Variants in ARHGAP17 observed in about 807,000 individuals in gnomAD.
ARHGAP17 encodes the protein rho GTPase-activating protein 17.
In ARHGAP17, 57 loss-of-function variants were observed where a neutral mutation model predicts 99.5. The ratio of observed to expected loss-of-function variants is 0.57; its 90% CI spans 0.46 to 0.71. The LOEUF (loss-of-function observed/expected upper bound fraction) is 0.71. Ranked by LOEUF, ARHGAP17 falls within the 30% of genes least tolerant of loss-of-function variation. ARHGAP17 has a pLI of 0.00. For synonymous variants in ARHGAP17, 417 were observed against 429.6 expected (o/e 0.97, Z 0.36); for missense variants, 1,000 against 1,122.4 (o/e 0.89, Z 1.56).
intron 1 of ARHGAP17, among the ~76,000 whole-genome samples, chr16:24,997,464 T>C (rs72772322): frequency 0.054 from 8,212 of 152,360 alleles, 334 homozygotes; most frequent in Non-Finnish European, 0.077. Context: ...GCGCATTCTC[T>C]ATCATTATCA....
At chr16:24,935,254 TCACGCC>T (rs1463759878) in intron 18 of ARHGAP17, among the ~76,000 whole-genome samples, 1 of 152,216 alleles carries the variant, frequency 6.6e-6, no homozygotes, top group African/African-American at 2.4e-5. Context: ...TTAAGCTTTG[TCACGCC>T]TAAGGAAAAA....
chr16:24,986,096 G>A (rs150847924), intron 1 of ARHGAP17, among the ~76,000 whole-genome samples: 17 of 152,220 alleles, frequency 1.1e-4, no homozygotes, highest in South Asian at 4.2e-4. Context: ...CATCACAAAC[G>A]GTTCCTCCAA....
At chr16:24,934,739 G>A (rs1388282838) in intron 18 of ARHGAP17, among the ~76,000 whole-genome samples, 1 of 152,212 alleles carries the variant, frequency 6.6e-6, no homozygotes, top group East Asian at 1.9e-4. Context: ...TTATAGGTGT[G>A]AGCCACCACG....
intron 3 of ARHGAP17, among the ~76,000 whole-genome samples, chr16:24,971,408 C>T: frequency 6.6e-6 from 1 of 150,546 alleles, no homozygotes; most frequent in East Asian, 2.0e-4. Flanking sequence ...CGGCTCACTG[C>T]AACCGCCGCC....
chr16:25,015,078 C>T, intron 1 of ARHGAP17, 131 bp downstream of exon 1: 3 of 931,968 alleles, frequency 3.2e-6, no homozygotes, highest in Non-Finnish European at 4.0e-6. Flanking sequence ...GGGCCCGTGC[C>T]CCGCTGGTCT....
chr16:25,008,367 CAAT>C (rs1010974314), intron 1 of ARHGAP17, among the ~76,000 whole-genome samples: 1 of 152,158 alleles, frequency 6.6e-6, no homozygotes, highest in African/African-American at 2.4e-5. Context: ...TACATAACAA[CAAT>C]ATATGCATAT....
chr16:24,989,693 G>A (rs538057521), intron 1 of ARHGAP17, among the ~76,000 whole-genome samples: 79 of 151,438 alleles, frequency 5.2e-4, no homozygotes, highest in Non-Finnish European at 1.0e-3. Context: ...ACACAACTCT[G>A]TAAATTTACT....
At chr16:24,949,582 A>G in intron 12 of ARHGAP17, 98 bp from the exon 13 acceptor site, 2 of 1,023,982 alleles carry the variant, frequency 2.0e-6, no homozygotes, top group South Asian at 3.0e-5. Flanking sequence ...TGACAGAGAA[A>G]GCACAGTTGG....
At chr16:24,925,370 C>A (rs2050813265) in intron 19 of ARHGAP17, among the ~76,000 whole-genome samples, 1 of 152,192 alleles carries the variant, frequency 6.6e-6, no homozygotes, top group Admixed American at 6.5e-5. Flanking sequence ...CAGAGCAAGA[C>A]TCTGTCTCAA....
intron 1 of ARHGAP17, among the ~76,000 whole-genome samples, chr16:25,009,625 G>A (rs2053593138): frequency 6.6e-6 from 1 of 152,106 alleles, no homozygotes; most frequent in Non-Finnish European, 1.5e-5. Flanking sequence ...GCTGGTAGTG[G>A]ATCCAACTAC....
Position 24,968,775 on chromosome 16 carries a change from T to C in ARHGAP17, c.273-3A>G, listed in dbSNP as rs1389008570. ...CTCCACACGTCTCCAGCATCTTCCT[T>C]TAAAAACAAGACCCCCAACAACGAG... On this transcript the variant is annotated splice_polypyrimidine_tract_variant and splice_region_variant and intron_variant, in intron 4 of 19. Transcript: ENST00000289968. 6.2e-7 allele frequency: 1 copy of C among 1,614,106 alleles called. No individual in the cohort carries two copies. Among genetic ancestry groups the C allele is most frequent in the Non-Finnish European group, 8.5e-7 (1 of 1,179,984 alleles).
chr16:24,942,721 T>A (rs2051351418), intron 15 of ARHGAP17, among the ~76,000 whole-genome samples: 1 of 146,350 alleles, frequency 6.8e-6, no homozygotes, highest in Non-Finnish European at 1.5e-5. Flanking sequence ...TGGGCCGAGA[T>A]CGCGCCACTG....
At chr16:24,942,365 A>G (rs537222260) in intron 15 of ARHGAP17, among the ~76,000 whole-genome samples, 84 of 152,324 alleles carry the variant, frequency 5.5e-4, no homozygotes, top group African/African-American at 1.9e-3. Context: ...GTCAGAATAT[A>G]AGTTACACAC....
At chr16:24,982,311 C>A (rs1456384663) in intron 1 of ARHGAP17, among the ~76,000 whole-genome samples, 1 of 151,338 alleles carries the variant, frequency 6.6e-6, no homozygotes. Flanking sequence ...GGTTGAGGCA[C>A]GAGAATTGCT....
At chr16:24,993,670 G>A (rs1387699071) in intron 1 of ARHGAP17, among the ~76,000 whole-genome samples, 1 of 151,906 alleles carries the variant, frequency 6.6e-6, no homozygotes, top group Non-Finnish European at 1.5e-5. Flanking sequence ...TGGGTGTGCA[G>A]GCAGACACCC....
At chr16:24,937,716 A>G (rs2051181018) in intron 17 of ARHGAP17, among the ~76,000 whole-genome samples, 1 of 152,212 alleles carries the variant, frequency 6.6e-6, no homozygotes, top group Non-Finnish European at 1.5e-5. Context: ...ATGGTGAAAC[A>G]AGATTCCTAT....
chr16:24,922,435 T>C (rs1308256240), intron 19 of ARHGAP17, among the ~76,000 whole-genome samples: 1 of 152,134 alleles, frequency 6.6e-6, no homozygotes, highest in African/African-American at 2.4e-5. Context: ...AATTTTTCTA[T>C]TTATGATCCA....
intron 7 of ARHGAP17, 30 bp downstream of exon 7, chr16:24,964,165 GAA>G (rs1567234645): frequency 6.9e-7 from 1 of 1,452,222 alleles, no homozygotes. Context: ...TGCAAAAACC[GAA>G]AAGATACATT....
At chr16:24,968,553 C>G in intron 5 of ARHGAP17, 108 bp downstream of exon 5, 1 of 1,504,720 alleles carries the variant, frequency 6.6e-7, no homozygotes. Flanking sequence ...CCCCTTATTT[C>G]CAAAAAGAAG....
Sources: gnomAD v4.1 joint callset for allele counts (sites outside exome capture counted in the v4.1 genomes callset) on GRCh38, gnomAD v4.1.1 for gene constraint, MANE v1.5 for transcripts, NCBI Gene and HGNC (gene_info 2026-07-23, HGNC 2026-07-21) for gene names.